The following ZNF705A variants were observed in gnomAD, a reference collection of about 807,000 sequenced individuals.
ZNF705A encodes the protein zinc finger protein 705A.
Under a neutral mutation model 16.6 loss-of-function variants are expected in ZNF705A, and 8 were observed. The observed-to-expected ratio is 0.48, with a 90% confidence interval of 0.28 to 0.87. The LOEUF (loss-of-function observed/expected upper bound fraction) is 0.87, where lower values mean the gene tolerates loss of function less well. Ranked by LOEUF, ZNF705A falls within the 40% of genes least tolerant of loss-of-function variation. ZNF705A has a pLI of 0.10. For synonymous variants in ZNF705A, 73 were observed against 117.3 expected (o/e 0.62, Z 2.44); for missense variants, 233 against 359.9 (o/e 0.65, Z 2.85).
At chr12:8,169,093 AT>A (rs1948423153), upstream of ZNF705A, among the ~76,000 whole-genome samples, 1 of 152,126 alleles carries the variant, frequency 6.6e-6, no homozygotes, top group Non-Finnish European at 1.5e-5. Flanking sequence ...CTATTGCTGT[AT>A]TTTAATTTAA....
At chr12:8,177,204 A>G in exon 5 of ZNF705A, 4 of 1,611,884 alleles carry the variant, frequency 2.5e-6, no homozygotes, top group South Asian at 1.1e-5. Flanking sequence ...TATCAATGTA[A>G]TCTATGTGAA....
chr12:8,175,772 T>C (rs1948479678), intron 3 of ZNF705A, 88 bp from the exon 5 acceptor site: 2 of 1,595,398 alleles, frequency 1.3e-6, no homozygotes, highest in African/African-American at 1.3e-5. Context: ...GTGTCAACTT[T>C]TGAAAAAAAG....
At chr12:8,172,525 C>G, upstream of ZNF705A, 1 of 1,514,408 alleles carries the variant, frequency 6.6e-7, no homozygotes, top group Non-Finnish European at 9.0e-7. Flanking sequence ...CACAAGACTG[C>G]TGTCTCACAT....
chr12:8,172,689 G>T, intron 1 of ZNF705A, 52 bp downstream of exon 2: 1 of 1,592,596 alleles, frequency 6.3e-7, no homozygotes, highest in Non-Finnish European at 8.5e-7. Flanking sequence ...TTGCTGGCAA[G>T]TGGGCATTTT....
chr12:8,173,420 G>T (rs1046574366), intron 1 of ZNF705A, among the ~76,000 whole-genome samples: 2 of 152,060 alleles, frequency 1.3e-5, no homozygotes, highest in Non-Finnish European at 2.9e-5. Context: ...ATACGGGCTG[G>T]TTAGAAAAAA....
At chr12:8,161,065 C>A (rs1403093813) in intron 1 of ZNF705A, among the ~76,000 whole-genome samples, 1 of 152,158 alleles carries the variant, frequency 6.6e-6, no homozygotes, top group Non-Finnish European at 1.5e-5. Flanking sequence ...AATGCTTTTT[C>A]TGCATCTATT....
rs13377895 is a variant in ZNF705A, at chr12:8,174,422, C to A, written c.109C>A (p.Leu37Met). The change falls in exon 2 of 5, where the codon CTG (leucine) becomes ATG (methionine). Residue 37 changes from leucine (L) to methionine (M), a missense_variant. Physicochemically the swap from Leu to Met is conservative, Grantham distance 15 (BLOSUM62 2). Coordinates refer to ENST00000359286, the Ensembl canonical transcript of ZNF705A. ...GAGAAAGCTGTACAGAGATGTGATGCTGGAAAATATCAGTCACCTGGTGTC... is the reference window on the plus strand; with the variant it reads ...GAGAAAGCTGTACAGAGATGTGATGATGGAAAATATCAGTCACCTGGTGTC... The A allele has an allele frequency of 3.8e-3, 6,061 of 1,594,512 alleles. 222 individuals carry two copies. In the African/African-American group the frequency reaches 0.071, roughly 19 times the overall value.
chr12:8,179,064 G>A (rs1948510448), exon 5 of ZNF705A: 1 of 152,230 alleles, frequency 6.6e-6, no homozygotes, highest in Non-Finnish European at 1.5e-5. Flanking sequence ...AAGACCCCTA[G>A]TATATGCATT....
rs1459486459 is a variant in ZNF705A at position 8,172,644 on chromosome 12, A to G, written c.12+7A>G. The G allele has an allele frequency of 1.3e-6, 2 of 1,596,446 alleles. No individual in the cohort carries two copies. The highest frequency in any genetic ancestry group is 1.7e-5 in the Admixed American group (1 of 60,014). On this transcript the variant is annotated splice_region_variant and intron_variant, in intron 1 of 4. Transcript: ENST00000359286. The stretch of plus-strand genomic sequence containing the variant: ...CCGGACAATGCATTCACTAGTGAGT[A>G]GGGGATGCTTCTTTCTACTGAAATT...
intron 1 of ZNF705A, among the ~76,000 whole-genome samples, chr12:8,161,047 T>G (rs1011207169): frequency 5.3e-5 from 8 of 152,314 alleles, no homozygotes; most frequent in Non-Finnish European, 1.2e-4. Context: ...CGATGCTGGA[T>G]TTTGTCAAAT....
intron 1 of ZNF705A, among the ~76,000 whole-genome samples, chr12:8,159,012 G>A (rs1369057237): frequency 1.3e-5 from 2 of 151,890 alleles, no homozygotes; most frequent in East Asian, 1.9e-4. Flanking sequence ...TCATTCTTAT[G>A]CCTTGTGTCC....
At chr12:8,165,223 G>T (rs4597133) in intron 1 of ZNF705A, among the ~76,000 whole-genome samples, 84,574 of 149,876 alleles carry the variant, frequency 0.56, 25,487 homozygotes, top group African/African-American at 0.79. Flanking sequence ...TTTTCATATA[G>T]TTGTTGGCCA....
chr12:8,174,396 A>G (rs1948468923), exon 2 of ZNF705A: 1 of 1,596,322 alleles, frequency 6.3e-7, no homozygotes, highest in South Asian at 1.1e-5. Context: ...GACACATCCA[A>G]GAGAAAGCTG....
At position 8,176,211 on chromosome 12, in the gene ZNF705A, T is replaced by C. The variant is rs150360210; in HGVS notation, c.318+269T>C. Among the ~76,000 whole-genome samples, 1,473 of 152,356 alleles carry C rather than the reference T, an allele frequency of 9.7e-3. 19 individuals carry two copies. The highest frequency in any genetic ancestry group is 0.034 in the African/African-American group (1,402 of 41,586). ...TATCATCACAATTATGCAATAACTC[T>C]GCAGTTGAGATCTTACAGAAGAGAA... On this transcript the variant is annotated intron_variant, in intron 4 of 4. Coordinates refer to ENST00000359286, the Ensembl canonical transcript of ZNF705A.
At chr12:8,170,547 T>G (rs1948438007), upstream of ZNF705A, among the ~76,000 whole-genome samples, 1 of 152,054 alleles carries the variant, frequency 6.6e-6, no homozygotes, top group Non-Finnish European at 1.5e-5. Context: ...AGGTAATGAC[T>G]TTTCATTCAT....
Position 8,177,761 on chromosome 12 carries a change from G to A in ZNF705A, c.*178G>A. On this transcript the variant is annotated 3_prime_UTR_variant, in exon 5 of 5. Transcript: ENST00000359286. ...CTGTGTTAGGAATGACGAAGGTAAG[G>A]AATGTGGAAGAGACTTCAGCTGTAG... 6 of 1,027,472 alleles carry A rather than the reference G, an allele frequency of 5.8e-6. No homozygotes were observed. In the South Asian group the frequency reaches 1.0e-4, roughly 18 times the overall value. 63.6% of individuals were successfully genotyped at this position (1,027,472 alleles called of 1,614,324 possible). A position where few individuals can be genotyped will look rare whatever the true frequency, so the allele number is the denominator to read the frequency against.
At position 8,174,318 on chromosome 12, in the gene ZNF705A, T is replaced by C. The variant is rs766487744; in HGVS notation, c.13-8T>C. ...TCTGTCTAAACTAAAATGTCTGTGA[T>C]GTTTTAGAAGAAAGTGACTTTTGAA... On this transcript the variant is annotated splice_polypyrimidine_tract_variant and splice_region_variant and intron_variant, in intron 1 of 4. Transcript: ENST00000359286. 5.6e-6 allele frequency: 9 copies of C among 1,594,526 alleles called. No homozygotes were observed. The African/African-American group carries it at 6.7e-5, about 12-fold the overall frequency.
intron 1 of ZNF705A, among the ~76,000 whole-genome samples, chr12:8,162,809 G>A (rs1232168733): frequency 6.6e-6 from 1 of 152,160 alleles, no homozygotes; most frequent in African/African-American, 2.4e-5. Context: ...TTTTGTTAGT[G>A]AACACTTCCC....
exon 5 of ZNF705A, chr12:8,179,592 G>A (rs1003981237): frequency 2.0e-5 from 3 of 152,132 alleles, no homozygotes; most frequent in African/African-American, 7.2e-5. Flanking sequence ...CCTTATCCGT[G>A]GTTGAAGTTG....
Sources: allele counts gnomAD v4.1 joint callset (sites outside exome capture counted in the v4.1 genomes callset), GRCh38; gene constraint gnomAD v4.1.1; transcripts MANE v1.5; gene names NCBI Gene and HGNC (gene_info 2026-07-23, HGNC 2026-07-21).